Variants in GAK observed in about 807,000 individuals in gnomAD.
GAK encodes cyclin-G-associated kinase.
A neutral mutation model predicts 143.9 loss-of-function variants in GAK; 79 were observed. The observed-to-expected ratio is 0.55, with a 90% CI of 0.46 to 0.66. The LOEUF (loss-of-function observed/expected upper bound fraction) is 0.66. GAK is among the 30% of genes least tolerant of loss of function. The probability of loss-of-function intolerance (pLI) is 0.00; values close to 1 mark genes in which losing one functional copy is unlikely to be tolerated. For missense variants in GAK, 1,693 were observed against 1,779.7 expected, an observed-to-expected ratio of 0.95 and a Z score of 0.88; for synonymous variants, 881 against 765.5, an observed-to-expected ratio of 1.15 and a Z score of -2.49.
At chr4:890,437 AG>A in intron 10 of GAK, 94 bp downstream of exon 10, 1 of 874,890 alleles carries the variant, frequency 1.1e-6, no homozygotes, top group Non-Finnish European at 1.7e-6. Flanking sequence ...AGGCCCCGGG[AG>A]AGAAGGACCC....
chr4:893,410 G>A lies in GAK; in HGVS notation c.957C>T (p.Ala319=). ...VVHQLQEIAA[A]RNVNPKSPIT... ...TGGGAGACTTGGGGTTCACGTTGCG[G>A]GCGGCCGCGATCTCCTGCAGCTGGT... is the stretch of plus-strand genomic sequence containing the variant. The change falls in exon 9 of 28, where the codon GCC becomes GCT. Residue 319 remains alanine (A), a synonymous_variant. Transcript: ENST00000314167. The A allele has an allele frequency of 1.3e-6, 2 of 1,589,604 alleles. No individual in the cohort carries two copies. The highest frequency in any genetic ancestry group is 1.7e-6 in the Non-Finnish European group (2 of 1,168,342).
chr4:908,796 G>T (rs1249681208), intron 4 of GAK, among the ~76,000 whole-genome samples: 1 of 152,106 alleles, frequency 6.6e-6, no homozygotes, highest in Non-Finnish European at 1.5e-5. Flanking sequence ...AAAAAAATAC[G>T]CCTGATACGG....
intron 24 of GAK, among the ~76,000 whole-genome samples, chr4:857,194 C>A (rs1188035437): frequency 2.0e-5 from 3 of 152,136 alleles, no homozygotes; most frequent in East Asian, 3.8e-4. Flanking sequence ...GTAGAATTCT[C>A]TTTATATACC....
At chr4:856,168 C>T (rs1749090304) in intron 24 of GAK, among the ~76,000 whole-genome samples, 1 of 137,878 alleles carries the variant, frequency 7.3e-6, no homozygotes. Flanking sequence ...CTGCTCACCA[C>T]CACAGCTGCT....
rs967446276 is a variant in GAK, at chr4:870,639, AG to A, written c.2248+71del. On this transcript the variant is annotated intron_variant, in intron 19 of 27. Coordinates refer to ENST00000314167, the MANE Select transcript of GAK (RefSeq NM_005255.4). ...GTGGGGCCCAGCCCTGCCAGAGCTCAGCCAAAGGTGTCTCTCTCCACAGAGA... is the reference window on the plus strand; with the variant it reads ...GTGGGGCCCAGCCCTGCCAGAGCTCACCAAAGGTGTCTCTCTCCACAGAGA... The A allele has an allele frequency of 2.7e-6, 4 of 1,495,330 alleles. No individual in the cohort carries two copies. The African/African-American group carries it at 5.6e-5, about 21-fold the overall frequency. The allele number at this position is 1,495,330 out of a possible 1,614,324, so 92.6% of individuals were successfully genotyped here. A position where few individuals can be genotyped will look rare whatever the true frequency, so the allele number is the denominator to read the frequency against.
At chr4:915,114 C>T (rs567733071) in intron 1 of GAK, among the ~76,000 whole-genome samples, 219 of 147,748 alleles carry the variant, frequency 1.5e-3, no homozygotes, top group Middle Eastern at 7.4e-3. Context: ...CACGGCCCCC[C>T]GCACTCAGCC....
Position 871,009 on chromosome 4 carries a change from C to T in GAK, c.2055-105G>A, listed in dbSNP as rs1347814331. 7.7e-6 allele frequency: 8 copies of T among 1,038,062 alleles called. No homozygotes were observed. The East Asian group carries it at 2.1e-4, about 27-fold the overall frequency. The allele number at this position is 1,038,062 out of a possible 1,614,324, so 64.3% of individuals were successfully genotyped here. A position where few individuals can be genotyped will look rare whatever the true frequency, so the allele number is the denominator to read the frequency against. ...CATGGAAACAGGTGGCAGCTGCAGG[C>T]AGCGGGGCGAGAACAACCAGGGCAG... On this transcript the variant is annotated intron_variant, in intron 18 of 27. Transcript: ENST00000314167.
intron 7 of GAK, 167 bp from the exon 8 acceptor site, chr4:894,176 G>T: frequency 1.4e-6 from 1 of 722,262 alleles, no homozygotes; most frequent in Non-Finnish European, 2.1e-6. Flanking sequence ...GAACACAGGG[G>T]TGATATCGGG....
Position 914,515 on chromosome 4 carries a change from ACAGCCCCAGCG to A in GAK, c.146-858_146-848del, listed in dbSNP as rs1477354388. Among the ~76,000 whole-genome samples, 484 of 76,904 alleles carry A rather than the reference ACAGCCCCAGCG, an allele frequency of 6.3e-3. 12 individuals are homozygous for A. Among genetic ancestry groups the A allele is most frequent in the East Asian group, 0.026 (51 of 1,996 alleles). The allele number at this position is 76,904 out of a possible 152,430, so 50.5% of individuals were successfully genotyped here. A position where few individuals can be genotyped will look rare whatever the true frequency, so the allele number is the denominator to read the frequency against. On this transcript the variant is annotated intron_variant, in intron 1 of 27. Transcript: ENST00000314167. ...CCAGCGTGCACGGCCCCACACACAC[ACAGCCCCAGCG>A]TGCACGGCCACACACACACAGCCCC... is the stretch of plus-strand genomic sequence containing the variant.
chr4:868,636 A>C lies in GAK; in HGVS notation c.2298T>G (p.Ala766=). The C allele has an allele frequency of 6.4e-7, 1 of 1,569,002 alleles. No individual in the cohort carries two copies. ...RQPGSTAQYD[A]GAGSPEAEPT... is the part of the protein sequence containing the mutation. Reference sequence around the variant, plus strand: ...GTTCGGCTTCCGGGGACCCTGCCCCAGCATCATACTGAGCCGTGGAGCCAG... The same window carrying C: ...GTTCGGCTTCCGGGGACCCTGCCCCCGCATCATACTGAGCCGTGGAGCCAG... Residue 766 remains alanine, a synonymous_variant, in exon 20 of 28, where the codon GCT becomes GCG. Transcript: ENST00000314167.
At position 893,470 on chromosome 4, in the gene GAK, G is replaced by A. The variant is rs755897210; in HGVS notation, c.897C>T (p.Asn299=). The change falls in exon 9 of 28, where the codon AAC becomes AAT. Residue 299 remains asparagine (N), a synonymous_variant. Coordinates refer to ENST00000314167, the MANE Select transcript of GAK (RefSeq NM_005255.4). ...HSLIRAMLQV[N]PEERLSIAEV... ...CGGCGATGGACAGCCGCTCCTCCGG[G>A]TTCACCTGCAGCATGGCGCCTGCAG... 12 of 1,579,788 alleles carry A rather than the reference G, an allele frequency of 7.6e-6. No individual in the cohort carries two copies. The highest frequency in any genetic ancestry group is 1.4e-5 in the African/African-American group (1 of 73,548).
chr4:851,254 T>G, intron 25 of GAK, 170 bp from the exon 26 acceptor site: 1 of 540,190 alleles, frequency 1.9e-6, no homozygotes, highest in Non-Finnish European at 3.3e-6. Flanking sequence ...TGCGCCACCA[T>G]GCCTGGCTAA....
chr4:919,519 C>T (rs1335835301), intron 1 of GAK, among the ~76,000 whole-genome samples: 1 of 152,248 alleles, frequency 6.6e-6, no homozygotes, highest in South Asian at 2.1e-4. Context: ...ACTGCTCTTC[C>T]TCAAACGCAG....
chr4:881,845 G>C, intron 15 of GAK, 62 bp downstream of exon 15: 1 of 1,506,332 alleles, frequency 6.6e-7, no homozygotes. Flanking sequence ...CACCACAGCG[G>C]GGGCGGCAGT....
intron 23 of GAK, among the ~76,000 whole-genome samples, chr4:861,520 G>A (rs1293413314): frequency 6.6e-6 from 1 of 152,182 alleles, no homozygotes; most frequent in African/African-American, 2.4e-5. Context: ...GAGCTCAGGA[G>A]GTTGAGGCTG....
chr4:900,124 C>T (rs914284804), intron 5 of GAK, among the ~76,000 whole-genome samples: 2 of 152,264 alleles, frequency 1.3e-5, no homozygotes, highest in Admixed American at 6.5e-5. Context: ...CCCATCCCCT[C>T]GCGTGTGCCC....
intron 4 of GAK, among the ~76,000 whole-genome samples, chr4:909,658 T>C (rs748168613): frequency 2.0e-5 from 3 of 152,156 alleles, no homozygotes; most frequent in Non-Finnish European, 4.4e-5. Context: ...TCAGGCTGTA[T>C]AGAGTTATGA....
chr4:911,836 C>A (rs1412393835), intron 3 of GAK, 49 bp from the exon 4 acceptor site: 3 of 1,346,846 alleles, frequency 2.2e-6, no homozygotes, highest in Non-Finnish European at 3.2e-6. Context: ...GTCCACAGTT[C>A]TGTGCACTTC....
chr4:883,042 G>C (rs1457508768), intron 13 of GAK, among the ~76,000 whole-genome samples: 1 of 152,262 alleles, frequency 6.6e-6, no homozygotes, highest in Non-Finnish European at 1.5e-5. Flanking sequence ...ACTGACAAGT[G>C]TCGTGTCTGG....
Sources: allele counts gnomAD v4.1 joint callset (sites outside exome capture counted in the v4.1 genomes callset), GRCh38; gene constraint gnomAD v4.1.1; transcripts MANE v1.5; gene names NCBI Gene and HGNC (gene_info 2026-07-23, HGNC 2026-07-21).